The following RBL1 variants were observed in gnomAD, a reference collection of about 807,000 sequenced individuals.
RBL1 encodes the protein retinoblastoma-like protein 1.
Under a neutral mutation model 123.0 loss-of-function variants are expected in RBL1, and 82 were observed. That is an observed-to-expected ratio of 0.67 (90% CI 0.56 to 0.80). The LOEUF is 0.80. Among genes scored for constraint, RBL1 ranks in the 30% least tolerant of loss-of-function variants. The pLI is 0.00. For missense variants in RBL1, 1,171 were observed against 1,299.6 expected, an observed-to-expected ratio of 0.90 and a Z score of 1.52; for synonymous variants, 405 against 441.3, an observed-to-expected ratio of 0.92 and a Z score of 1.03.
At chr20:37,079,465 A>AC (rs2065415902) in intron 2 of RBL1, among the ~76,000 whole-genome samples, 1 of 115,682 alleles carries the variant, frequency 8.6e-6, no homozygotes, top group Admixed American at 9.9e-5. Flanking sequence ...GGCTTAAAGC[A>AC]TTTTTTTTTT....
rs1377311373 is a variant in RBL1, at chr20:37,001,843, G to A, written c.3036+1859C>T. Among the ~76,000 whole-genome samples the A allele has an allele frequency of 3.5e-5, 5 of 142,532 alleles. No homozygotes were observed. In the East Asian group the frequency reaches 8.4e-4, roughly 24 times the overall value. The allele number at this position is 142,532 out of a possible 152,430, so 93.5% of individuals were successfully genotyped here. A position where few individuals can be genotyped will look rare whatever the true frequency, so the allele number is the denominator to read the frequency against. ...TATGGCCTTTGTGCTTTCCTACCCT[G>A]TGAACTAAGAGTCTAAATCTGTGAA... is the stretch of plus-strand genomic sequence containing the variant. On this transcript the variant is annotated intron_variant, in intron 21 of 21. Transcript: ENST00000373664.
chr20:37,048,493 GC>G (rs1352246772), intron 11 of RBL1, among the ~76,000 whole-genome samples: 3 of 152,086 alleles, frequency 2.0e-5, no homozygotes, highest in African/African-American at 2.4e-5. Flanking sequence ...AACACCAACA[GC>G]CAGGCAAGAG....
chr20:37,023,374 C>T (rs901775773), intron 16 of RBL1, among the ~76,000 whole-genome samples: 2 of 152,164 alleles, frequency 1.3e-5, no homozygotes, highest in Admixed American at 6.5e-5. Flanking sequence ...CCATGCACTG[C>T]AGCCTCCCAA....
intron 12 of RBL1, among the ~76,000 whole-genome samples, chr20:37,046,775 AT>A (rs1055943523): frequency 6.6e-6 from 1 of 151,278 alleles, no homozygotes; most frequent in Non-Finnish European, 1.5e-5. Context: ...TGCCTGGCTA[AT>A]TTTTTTTGGT....
chr20:37,026,089 A>T (rs1461913984), intron 16 of RBL1, among the ~76,000 whole-genome samples: 1 of 152,138 alleles, frequency 6.6e-6, no homozygotes, highest in Non-Finnish European at 1.5e-5. Context: ...GTCCCATACT[A>T]TTTACACAGA....
intron 7 of RBL1, among the ~76,000 whole-genome samples, chr20:37,063,764 G>A (rs1296385413): frequency 3.3e-5 from 5 of 151,036 alleles, no homozygotes; most frequent in African/African-American, 1.2e-4. Flanking sequence ...AGCCCACCTC[G>A]GCCCCCCAAA....
intron 15 of RBL1, 71 bp from the exon 16 acceptor site, chr20:37,032,947 A>C: frequency 6.4e-7 from 1 of 1,567,384 alleles, no homozygotes; most frequent in Non-Finnish European, 8.6e-7. Flanking sequence ...ATATATTTTG[A>C]CAATTATATA....
chr20:37,064,454 T>C (rs1020418150), intron 7 of RBL1, among the ~76,000 whole-genome samples: 1 of 152,032 alleles, frequency 6.6e-6, no homozygotes, highest in Non-Finnish European at 1.5e-5. Context: ...CTGTTTTAAA[T>C]GCCAATTGGC....
intron 19 of RBL1, 115 bp from the exon 20 acceptor site, chr20:37,007,674 C>G (rs751183972): frequency 1.7e-4 from 173 of 988,810 alleles, no homozygotes; most frequent in Non-Finnish European, 2.3e-4. Context: ...CTCACTGCAG[C>G]CCTGACCTCC....
At chr20:37,084,482 A>G (rs2065507971) in intron 2 of RBL1, among the ~76,000 whole-genome samples, 1 of 152,092 alleles carries the variant, frequency 6.6e-6, no homozygotes, top group Non-Finnish European at 1.5e-5. Context: ...AGTATAATTT[A>G]TGTTTTAAAA....
chr20:37,020,620 A>T (rs1203764416), intron 18 of RBL1, 39 bp downstream of exon 18: 1 of 1,347,432 alleles, frequency 7.4e-7, no homozygotes, highest in African/African-American at 1.5e-5. Flanking sequence ...GAAAAGAGTA[A>T]ATCTATTTTT....
chr20:37,055,669 T>C lies in RBL1; in HGVS notation c.1364-13A>G. The C allele has an allele frequency of 2.5e-6, 4 of 1,591,424 alleles. No homozygotes were observed. Among genetic ancestry groups the C allele is most frequent in the Non-Finnish European group, 3.4e-6 (4 of 1,171,048 alleles). On this transcript the variant is annotated splice_polypyrimidine_tract_variant and intron_variant, in intron 10 of 21. Coordinates refer to ENST00000373664, the MANE Select transcript of RBL1 (RefSeq NM_002895.5). Reference sequence around the variant, plus strand: ...TTTACAGCAAAGTCTATCAGGGAAATACAGAGAAAACATGTGTTAATGAAT... The same window carrying C: ...TTTACAGCAAAGTCTATCAGGGAAACACAGAGAAAACATGTGTTAATGAAT...
At chr20:36,999,578 C>T (rs2063932202) in intron 21 of RBL1, among the ~76,000 whole-genome samples, 1 of 152,062 alleles carries the variant, frequency 6.6e-6, no homozygotes, top group African/African-American at 2.4e-5. Context: ...TCTCGGCTCA[C>T]TGCAACCTCC....
chr20:37,039,022 T>C (rs2064678105), intron 14 of RBL1, among the ~76,000 whole-genome samples: 1 of 152,220 alleles, frequency 6.6e-6, no homozygotes, highest in Admixed American at 6.5e-5. Flanking sequence ...CCTGAATACT[T>C]GTTCATCTAA....
chr20:37,048,820 T>G (rs1357752893), intron 11 of RBL1, among the ~76,000 whole-genome samples: 1 of 151,370 alleles, frequency 6.6e-6, no homozygotes, highest in Non-Finnish European at 1.5e-5. Context: ...TCCCAGGTAC[T>G]TGGGAAACTG....
Position 37,055,535 on chromosome 20 carries a change from GA to G in RBL1, c.1467+17del, listed in dbSNP as rs1171349627. 1 of 1,613,774 alleles carries G rather than the reference GA, an allele frequency of 6.2e-7. No individual in the cohort carries two copies. Among genetic ancestry groups the G allele is most frequent in the Non-Finnish European group, 8.5e-7 (1 of 1,179,916 alleles). ...ACTTTTGGACCTTGCCAGTAGCTCA[GA>G]GAGTGGATTTACTTACTGACATGTC... On this transcript the variant is annotated intron_variant, in intron 11 of 21. Transcript: ENST00000373664.
At position 36,998,780 on chromosome 20, in the gene RBL1, G is replaced by A. The variant is rs774888777; in HGVS notation, c.3186C>T (p.Val1062=). The A allele has an allele frequency of 1.4e-5, 22 of 1,611,836 alleles. No individual in the cohort carries two copies. The highest frequency in any genetic ancestry group is 2.7e-5 in the African/African-American group (2 of 74,816). ...DVLLKRLQDV[V]SERANH is the part of the protein sequence containing the mutation. ...AACATTAATGATTTGCTCTTTCACT[G>A]ACAACATCCTGTAGTCGTTTCAGTA... Residue 1062 remains valine (V), a synonymous_variant, in exon 22 of 22, where the codon GTC becomes GTT. Transcript: ENST00000373664.
At chr20:37,002,132 A>G (rs1161300624) in intron 21 of RBL1, among the ~76,000 whole-genome samples, 6 of 151,882 alleles carry the variant, frequency 4.0e-5, no homozygotes, top group Non-Finnish European at 7.4e-5. Context: ...TCCTGGGCTC[A>G]AGCTATTCTC....
At chr20:37,088,952 A>C in intron 2 of RBL1, 37 bp downstream of exon 2, 1 of 1,365,512 alleles carries the variant, frequency 7.3e-7, no homozygotes, top group South Asian at 2.1e-5. Context: ...CAAAATTTAG[A>C]GCTTATATAA....
Sources: gnomAD v4.1 joint callset for allele counts (sites outside exome capture counted in the v4.1 genomes callset) on GRCh38, gnomAD v4.1.1 for gene constraint, MANE v1.5 for transcripts, NCBI Gene and HGNC (gene_info 2026-07-23, HGNC 2026-07-21) for gene names.